Variants in NR4A3 observed in about 807,000 individuals in gnomAD.
NR4A3 encodes the protein nuclear receptor subfamily 4 group A member 3, also known as chondrosarcoma, extraskeletal myxoid, fused to EWS.
Under a neutral mutation model 55.6 loss-of-function variants are expected in NR4A3, and 13 were observed. That is an observed-to-expected ratio of 0.23 (90% CI 0.15 to 0.37). The LOEUF is 0.37. Ranked by LOEUF, NR4A3 falls within the 10% of genes least tolerant of loss-of-function variation. NR4A3 has a pLI of 1.00. For missense variants in NR4A3, 646 were observed against 822.8 expected (o/e 0.79, Z 2.63); for synonymous variants, 342 against 357.9 (o/e 0.96, Z 0.50).
At position 99,866,433 on chromosome 9, in the gene NR4A3, T is replaced by C. The variant is rs1480423210; in HGVS notation, c.*2566T>C. 1 of 225,804 alleles carries C rather than the reference T, an allele frequency of 4.4e-6. No individual in the cohort carries two copies. The highest frequency in any genetic ancestry group is 8.8e-6 in the Non-Finnish European group (1 of 113,206). 14.0% of individuals were successfully genotyped at this position (225,804 alleles called of 1,614,324 possible). A position where few individuals can be genotyped will look rare whatever the true frequency, so the allele number is the denominator to read the frequency against. On this transcript the variant is annotated 3_prime_UTR_variant, in exon 8 of 8. Coordinates refer to ENST00000395097, the MANE Select transcript of NR4A3 (RefSeq NM_006981.4). ...ATTATAATCTAGTGGTTGGAAGGAA[T>C]GAAGAAGCTTTTTTAGTAATAGGTC...
intron 2 of NR4A3, 45 bp from the exon 3 acceptor site, chr9:99,827,996 A>C: frequency 1.9e-6 from 3 of 1,566,658 alleles, no homozygotes; most frequent in Non-Finnish European, 2.6e-6. Context: ...GCTAGAAAAC[A>C]AGTGTTAACT....
At chr9:99,834,782 T>C in intron 5 of NR4A3, 1 of 985,368 alleles carries the variant, frequency 1.0e-6, no homozygotes, top group Non-Finnish European at 1.2e-6. Context: ...CGAAGCCTCC[T>C]CTCTGCACCT....
In NR4A3 at chr9:99,828,528, G is replaced by C; in HGVS notation, c.486G>C (p.Ser162=). The change falls in exon 3 of 8, where the codon TCG becomes TCC. Residue 162 remains serine (S), a synonymous_variant. Transcript: ENST00000395097. The surrounding 1 kb of genome is among the most constrained non-coding windows in gnomAD (Gnocchi z 7.7). ...AGALWDEALP[S]APGCIAPGPL... ...CGTTATGGGACGAGGCACTGCCCTC[G>C]GCGCCCGGCTGCATCGCACCCGGCC... 6.4e-7 allele frequency: 1 copy of C among 1,574,608 alleles called. No homozygotes were observed. Among genetic ancestry groups the C allele is most frequent in the Non-Finnish European group, 8.6e-7 (1 of 1,165,506 alleles).
At chr9:99,833,189 T>C (rs1174338908) in intron 4 of NR4A3, 93 bp from the exon 5 acceptor site, 1 of 1,457,374 alleles carries the variant, frequency 6.9e-7, no homozygotes, top group East Asian at 2.3e-5. Flanking sequence ...TAATGATTGC[T>C]CAACTGTAAT....
In NR4A3 at chr9:99,849,072, A is replaced by G. The variant is rs143848347; in HGVS notation, c.1633+1457A>G. On this transcript the variant is annotated intron_variant, in intron 7 of 7. Coordinates refer to ENST00000395097, the MANE Select transcript of NR4A3 (RefSeq NM_006981.4). ...CAGGTGGTGAGTTTCCAGAGCATCA[A>G]ATGCAACCTCTGGTACAGATGGCCC... 9.6e-4 allele frequency among the ~76,000 whole-genome samples: 147 copies of G among 152,340 alleles called. 1 individual carries two copies. Among genetic ancestry groups the G allele is most frequent in the East Asian group, 3.9e-4 (2 of 5,182 alleles).
rs1009779246 is a variant in NR4A3, at chr9:99,825,271, C to T, written c.-176-388C>T. 6.6e-6 allele frequency among the ~76,000 whole-genome samples: 1 copy of T among 152,156 alleles called. No individual in the cohort carries two copies. Among genetic ancestry groups the T allele is most frequent in the African/African-American group, 2.4e-5 (1 of 41,436 alleles). On this transcript the variant is annotated intron_variant, in intron 1 of 7. Coordinates refer to ENST00000395097, the MANE Select transcript of NR4A3 (RefSeq NM_006981.4). This position sits in a 1 kb window ranked among gnomAD's most constrained non-coding sequence, Gnocchi z 5.0. ...CACTCACTGACCCCCCGTATTCGGGCGGAGCTCGTTCCTCAAGTGTTCTGC... is the reference window on the plus strand; with the variant it reads ...CACTCACTGACCCCCCGTATTCGGGTGGAGCTCGTTCCTCAAGTGTTCTGC...
intron 7 of NR4A3, among the ~76,000 whole-genome samples, chr9:99,858,097 G>A (rs925463595): frequency 1.3e-5 from 2 of 152,056 alleles, no homozygotes; most frequent in Non-Finnish European, 2.9e-5. Flanking sequence ...TTAATGGGAG[G>A]AGAAAAAAAT....
At chr9:99,860,697 G>T (rs1587889932) in intron 7 of NR4A3, among the ~76,000 whole-genome samples, 1 of 152,212 alleles carries the variant, frequency 6.6e-6, no homozygotes, top group African/African-American at 2.4e-5. Context: ...CCGCACCTGG[G>T]CTGATTAGCT....
At chr9:99,834,680 G>A (rs1341078487) in intron 5 of NR4A3, 1 of 444,966 alleles carries the variant, frequency 2.2e-6, no homozygotes, top group Non-Finnish European at 3.0e-6. Flanking sequence ...TCCCTGCTAT[G>A]TGCCCTTCTC....
In NR4A3 at chr9:99,833,769, G is replaced by T. The variant is rs1006105186; in HGVS notation, c.1254+315G>T. The T allele has an allele frequency of 2.2e-6, 3 of 1,378,120 alleles. No individual in the cohort carries two copies. In the East Asian group the frequency reaches 8.8e-5, roughly 41 times the overall value. The allele number at this position is 1,378,120 out of a possible 1,614,324, so 85.4% of individuals were successfully genotyped here. A position where few individuals can be genotyped will look rare whatever the true frequency, so the allele number is the denominator to read the frequency against. ...AAACTACAATTTGTAGATTTATCTC[G>T]TGATCTAGACAAAGTGACTACTGTT... On this transcript the variant is annotated intron_variant, in intron 5 of 7. Coordinates refer to ENST00000395097, the MANE Select transcript of NR4A3 (RefSeq NM_006981.4).
At chr9:99,833,708 T>C (rs1244809648) in intron 5 of NR4A3, 1 of 1,512,368 alleles carries the variant, frequency 6.6e-7, no homozygotes, top group Non-Finnish European at 8.8e-7. Flanking sequence ...TGTTGCAGGA[T>C]TCCTGGTGGT....
chr9:99,825,278 C>A lies in NR4A3; in HGVS notation c.-176-381C>A, dbSNP rs534369321. Among the ~76,000 whole-genome samples, 2 of 152,238 alleles carry A rather than the reference C, an allele frequency of 1.3e-5. No individual in the cohort carries two copies. The highest frequency in any genetic ancestry group is 2.4e-5 in the African/African-American group (1 of 41,556). On this transcript the variant is annotated intron_variant, in intron 1 of 7. Transcript: ENST00000395097. This position sits in a 1 kb window ranked among gnomAD's most constrained non-coding sequence, Gnocchi z 5.0. Reference sequence around the variant, plus strand: ...TGACCCCCCGTATTCGGGCGGAGCTCGTTCCTCAAGTGTTCTGCTTTCTTT... The same window carrying A: ...TGACCCCCCGTATTCGGGCGGAGCTAGTTCCTCAAGTGTTCTGCTTTCTTT...
intron 7 of NR4A3, among the ~76,000 whole-genome samples, chr9:99,857,329 AGAG>A (rs991621661): frequency 1.3e-5 from 2 of 152,300 alleles, no homozygotes; most frequent in African/African-American, 4.8e-5. Flanking sequence ...TTTTAGATAG[AGAG>A]GATACTTGCA....
intron 3 of NR4A3, among the ~76,000 whole-genome samples, chr9:99,829,520 T>C (rs1827397826): frequency 6.6e-6 from 1 of 152,202 alleles, no homozygotes; most frequent in Admixed American, 6.5e-5. Context: ...GATGAGGATG[T>C]TGAGGTTTGA....
At chr9:99,833,220 G>C in intron 4 of NR4A3, 62 bp from the exon 5 acceptor site, 2 of 1,521,700 alleles carry the variant, frequency 1.3e-6, no homozygotes, top group Non-Finnish European at 1.8e-6. Context: ...TCCTTTTTGC[G>C]ATTTATGGTC....
chr9:99,852,446 C>T (rs1460729918), intron 7 of NR4A3, among the ~76,000 whole-genome samples: 1 of 152,134 alleles, frequency 6.6e-6, no homozygotes, highest in Non-Finnish European at 1.5e-5. Flanking sequence ...ATGTCTTGTG[C>T]TTTTGGGAAA....
intron 7 of NR4A3, among the ~76,000 whole-genome samples, chr9:99,853,237 T>G (rs1827882988): frequency 6.6e-6 from 1 of 151,910 alleles, no homozygotes; most frequent in African/African-American, 2.4e-5. Flanking sequence ...CACACTTCCA[T>G]GAAGAGCCAG....
chr9:99,828,104 C>T lies in NR4A3; in HGVS notation c.62C>T (p.Thr21Ile). The T allele has an allele frequency of 6.2e-7, 1 of 1,614,092 alleles. No homozygotes were observed. Among genetic ancestry groups the T allele is most frequent in the Non-Finnish European group, 8.5e-7 (1 of 1,180,014 alleles). ...SPPGSSYAAQTYSSEYTTEIM... is the reference protein window; with the variant it reads ...SPPGSSYAAQIYSSEYTTEIM... ...CCAGGTTCCAGTTATGCGGCGCAGA[C>T]ATACAGCTCGGAATACACCACGGAG... Residue 21 changes from threonine (T) to isoleucine (I), a missense_variant, in exon 3 of 8, where the codon ACA (threonine) becomes ATA (isoleucine). Thr to Ile is a moderately conservative substitution (Grantham distance 89). This residue lies in a region of NR4A3 where 426 missense variants were observed against 429.4 expected (regional missense o/e 0.99). Coordinates refer to ENST00000395097, the MANE Select transcript of NR4A3 (RefSeq NM_006981.4). This position sits in a 1 kb window ranked among gnomAD's most constrained non-coding sequence, Gnocchi z 7.7.
intron 3 of NR4A3, among the ~76,000 whole-genome samples, chr9:99,832,025 G>A (rs1247864355): frequency 6.6e-6 from 1 of 151,604 alleles, no homozygotes; most frequent in Admixed American, 6.6e-5. Flanking sequence ...GGGGTTTTTT[G>A]TTTTCTTCCT....
Sources: gnomAD v4.1 joint callset for allele counts (sites outside exome capture counted in the v4.1 genomes callset) on GRCh38, gnomAD v4.1.1 for gene constraint, gnomAD v4.1.1 regional missense constraint, Gnocchi (gnomAD v3.1) non-coding constraint, MANE v1.5 for transcripts, NCBI Gene and HGNC (gene_info 2026-07-23, HGNC 2026-07-21) for gene names.